Variants in AGBL1 observed in about 807,000 individuals in gnomAD.
The protein encoded by AGBL1 is cytosolic carboxypeptidase 4.
AGBL1 carries 130 observed loss-of-function variants against 118.9 expected under a neutral mutation model. The observed-to-expected ratio is 1.09, with a 90% CI of 0.95 to 1.26. AGBL1 has a LOEUF of 1.26. Among genes scored for constraint, AGBL1 ranks in the 50% most tolerant of loss-of-function variants. The probability of loss-of-function intolerance (pLI) is 0.00; values close to 1 mark genes in which losing one functional copy is unlikely to be tolerated. For synonymous variants in AGBL1, 555 were observed against 478.9 expected (o/e 1.16, Z -2.08); for missense variants, 1,584 against 1,298.1 (o/e 1.22, Z -3.38).
At chr15:86,996,306 C>T (rs1190202292) in intron 24 of AGBL1, among the ~76,000 whole-genome samples, 1 of 152,158 alleles carries the variant, frequency 6.6e-6, no homozygotes, top group Non-Finnish European at 1.5e-5. Flanking sequence ...AACCCATGTC[C>T]TGCACCTTTC....
chr15:86,651,810 A>G (rs1461043872), intron 21 of AGBL1, among the ~76,000 whole-genome samples: 1 of 152,082 alleles, frequency 6.6e-6, no homozygotes, highest in African/African-American at 2.4e-5. Flanking sequence ...GACTTCCTGA[A>G]TGTCTGACAA....
At chr15:86,733,044 C>A (rs975594278) in intron 22 of AGBL1, among the ~76,000 whole-genome samples, 1 of 147,430 alleles carries the variant, frequency 6.8e-6, no homozygotes, top group Non-Finnish European at 1.5e-5. Flanking sequence ...CATGTATATC[C>A]CGTATATATC....
intron 12 of AGBL1, 57 bp from the exon 13 acceptor site, chr15:86,266,933 C>G (rs1344679546): frequency 7.8e-7 from 1 of 1,278,284 alleles, no homozygotes; most frequent in Non-Finnish European, 1.1e-6. Flanking sequence ...AATCATCACA[C>G]TGTTTTCAAA....
At chr15:86,982,756 T>C (rs1178014802) in intron 23 of AGBL1, among the ~76,000 whole-genome samples, 1 of 152,222 alleles carries the variant, frequency 6.6e-6, no homozygotes, top group East Asian at 1.9e-4. Context: ...ATTGTAAGAA[T>C]ACAGTATATA....
intron 17 of AGBL1, among the ~76,000 whole-genome samples, chr15:86,312,640 T>A (rs935715680): frequency 6.6e-6 from 1 of 152,218 alleles, no homozygotes; most frequent in Non-Finnish European, 1.5e-5. Context: ...CAGCTGATTT[T>A]CTGTGGCTCA....
chr15:87,005,504 C>A (rs1033038322), intron 24 of AGBL1, among the ~76,000 whole-genome samples: 6 of 152,182 alleles, frequency 3.9e-5, no homozygotes, highest in African/African-American at 1.2e-4. Flanking sequence ...CTTGTGCATT[C>A]GTCACATAGT....
intron 22 of AGBL1, among the ~76,000 whole-genome samples, chr15:86,741,504 T>A (rs960653): frequency 0.017 from 2,301 of 134,700 alleles, 51 homozygotes; most frequent in African/African-American, 0.061. Flanking sequence ...ATAATGTAAA[T>A]AAATAGGATA....
chr15:87,021,176 GAGAACTC>G (rs1284499441), intron 24 of AGBL1, among the ~76,000 whole-genome samples: 5 of 152,040 alleles, frequency 3.3e-5, no homozygotes, highest in Non-Finnish European at 5.9e-5. Context: ...GAACAGAGTA[GAGAACTC>G]AGAAATAAGA....
chr15:86,117,563 T>A (rs765350165), intron 1 of AGBL1, among the ~76,000 whole-genome samples: 15 of 152,310 alleles, frequency 9.8e-5, no homozygotes, highest in Middle Eastern at 3.4e-3. Context: ...ATTTCACAGA[T>A]GAGGAAACCA....
At chr15:86,825,894 TAGATAGATA>T (rs1349070593) in intron 22 of AGBL1, among the ~76,000 whole-genome samples, 1 of 14,824 alleles carries the variant, frequency 6.7e-5, no homozygotes, top group Non-Finnish European at 2.8e-4. Flanking sequence ...GATGGATAGA[TAGATAGATA>T]GATAGATAGA....
At chr15:86,555,954 G>C in intron 21 of AGBL1, among the ~76,000 whole-genome samples, 1 of 152,236 alleles carries the variant, frequency 6.6e-6, no homozygotes, top group Admixed American at 6.5e-5. Context: ...TATGGACATA[G>C]GTTTGTGTCT....
At chr15:86,350,634 A>G (rs1486093611) in intron 17 of AGBL1, among the ~76,000 whole-genome samples, 1 of 152,208 alleles carries the variant, frequency 6.6e-6, no homozygotes, top group African/African-American at 2.4e-5. Flanking sequence ...GACACGGGCT[A>G]GAGAGAAAAT....
intron 22 of AGBL1, among the ~76,000 whole-genome samples, chr15:86,832,009 T>C (rs1325787787): frequency 6.6e-6 from 1 of 152,190 alleles, no homozygotes; most frequent in African/African-American, 2.4e-5. Context: ...CAACACCACA[T>C]GTAAGCTGCC....
At chr15:86,274,991 C>T (rs1161648424) in intron 15 of AGBL1, among the ~76,000 whole-genome samples, 1 of 152,082 alleles carries the variant, frequency 6.6e-6, no homozygotes, top group Non-Finnish European at 1.5e-5. Flanking sequence ...AAAAATGCCC[C>T]TCGAGAGGGA....
chr15:86,704,477 G>C (rs764663363), intron 22 of AGBL1, among the ~76,000 whole-genome samples: 5 of 152,128 alleles, frequency 3.3e-5, no homozygotes, highest in Non-Finnish European at 7.4e-5. Context: ...AGTGGGCAAA[G>C]GATATGAACA....
intron 22 of AGBL1, among the ~76,000 whole-genome samples, chr15:86,828,246 C>T (rs757089136): frequency 4.6e-5 from 7 of 151,782 alleles, no homozygotes; most frequent in South Asian, 4.2e-4. Context: ...CTCAGCCTGT[C>T]GTACGACTTT....
intron 18 of AGBL1, among the ~76,000 whole-genome samples, chr15:86,485,695 G>T (rs183580326): frequency 2.0e-5 from 3 of 152,244 alleles, no homozygotes; most frequent in Admixed American, 6.5e-5. Flanking sequence ...TACAAAAGCA[G>T]ATGATGGGTC....
At chr15:86,400,483 G>C (rs957574990) in intron 18 of AGBL1, among the ~76,000 whole-genome samples, 4 of 149,740 alleles carry the variant, frequency 2.7e-5, no homozygotes, top group Non-Finnish European at 5.9e-5. Context: ...CAGTTTTGGG[G>C]GAACAGGTTT....
At chr15:86,485,860 G>T (rs1168076850) in intron 18 of AGBL1, among the ~76,000 whole-genome samples, 1 of 152,066 alleles carries the variant, frequency 6.6e-6, no homozygotes, top group African/African-American at 2.4e-5. Flanking sequence ...TGGTCCAAAG[G>T]TTTAAACTTT....
Sources: gnomAD v4.1 joint callset for allele counts (sites outside exome capture counted in the v4.1 genomes callset) on GRCh38, gnomAD v4.1.1 for gene constraint, MANE v1.5 for transcripts, NCBI Gene and HGNC (gene_info 2026-07-23, HGNC 2026-07-21) for gene names.